The following CACNA2D1 variants were observed in gnomAD, a reference collection of about 807,000 sequenced individuals.
CACNA2D1 encodes the protein voltage-dependent calcium channel subunit alpha-2/delta-1.
In CACNA2D1, 53 loss-of-function variants were observed where a neutral mutation model predicts 171.5. The ratio of observed to expected loss-of-function variants is 0.31; its 90% CI spans 0.25 to 0.39. The LOEUF is 0.39. CACNA2D1 is among the 10% of genes least tolerant of loss of function. The pLI is 1.00. For missense variants in CACNA2D1, 903 were observed against 1,299.8 expected (o/e 0.69, Z 4.69); for synonymous variants, 442 against 443.1 (o/e 1.00, Z 0.03).
chr7:82,095,810 G>T (rs1483885736), intron 6 of CACNA2D1, among the ~76,000 whole-genome samples: 1 of 152,146 alleles, frequency 6.6e-6, no homozygotes, highest in African/African-American at 2.4e-5. Flanking sequence ...AACAATGATA[G>T]GCGGTGGATG....
rs149036431 is a variant in CACNA2D1 at position 82,096,308 on chromosome 7, G to A, written c.527-11408C>T. 1.9e-4 allele frequency among the ~76,000 whole-genome samples: 29 copies of A among 152,184 alleles called. No homozygotes were observed. The East Asian group carries it at 5.4e-3, about 28-fold the overall frequency. On this transcript the variant is annotated intron_variant, in intron 6 of 38. Coordinates refer to ENST00000356860, the MANE Select transcript of CACNA2D1 (RefSeq NM_000722.4). ...CTGTATTTATAAAAACAGACAGTGG[G>A]CCATACTTTGCAGACTCCTATACCC... is the stretch of plus-strand genomic sequence containing the variant.
chr7:82,016,606 GCCCGCCCCC>G, intron 12 of CACNA2D1, among the ~76,000 whole-genome samples: 1 of 89,174 alleles, frequency 1.1e-5, no homozygotes, highest in African/African-American at 3.3e-5. Flanking sequence ...AACACTAGCC[GCCCGCCCCC>G]CCCCCCCAAA....
chr7:82,331,418 G>A lies in CACNA2D1; in HGVS notation c.294+3717C>T, dbSNP rs78097739. On this transcript the variant is annotated intron_variant, in intron 3 of 38. Transcript: ENST00000356860. ...AGAAGCAAATTAACAATGCCATCTT[G>A]CATTCATTTACAATACAATGTAGCA... Among the ~76,000 whole-genome samples the A allele has an allele frequency of 2.1e-3, 323 of 152,072 alleles. 3 individuals carry two copies. Among genetic ancestry groups the A allele is most frequent in the African/African-American group, 7.5e-3 (311 of 41,492 alleles).
At chr7:82,083,696 A>G (rs2129009890) in intron 7 of CACNA2D1, among the ~76,000 whole-genome samples, 1 of 152,198 alleles carries the variant, frequency 6.6e-6, no homozygotes, top group East Asian at 1.9e-4. Context: ...GAAAAAAATT[A>G]TTACTGATTT....
Position 82,085,537 on chromosome 7 carries a change from A to G in CACNA2D1, c.527-637T>C, listed in dbSNP as rs541486040. The stretch of plus-strand genomic sequence containing the variant: ...CTGCTACCTTAAAAAAAAAAAAAAG[A>G]AAAAAAGTCATTGGGCATAGCTAAT... On this transcript the variant is annotated intron_variant, in intron 6 of 38. Transcript: ENST00000356860. Among the ~76,000 whole-genome samples the G allele has an allele frequency of 2.3e-3, 231 of 101,550 alleles. 3 individuals carry two copies. The East Asian group carries it at 0.048, about 21-fold the overall frequency. 66.6% of individuals were successfully genotyped at this position (101,550 alleles called of 152,430 possible).
intron 7 of CACNA2D1, among the ~76,000 whole-genome samples, chr7:82,067,364 A>C (rs1315190227): frequency 6.6e-6 from 1 of 152,188 alleles, no homozygotes; most frequent in Non-Finnish European, 1.5e-5. Context: ...TGCCTAGTTC[A>C]TATGACTTAC....
At chr7:82,340,596 T>G (rs1818512285) in intron 2 of CACNA2D1, among the ~76,000 whole-genome samples, 1 of 152,210 alleles carries the variant, frequency 6.6e-6, no homozygotes, top group African/African-American at 2.4e-5. Flanking sequence ...TATTATAACT[T>G]TGCATTTTCA....
chr7:82,061,652 T>C (rs75163471), intron 9 of CACNA2D1, among the ~76,000 whole-genome samples: 3,232 of 152,256 alleles, frequency 0.021, 123 homozygotes, highest in African/African-American at 0.072. Context: ...AAGAGTTTAA[T>C]TGATGCCGGG....
chr7:81,976,179 C>A (rs995151074), intron 24 of CACNA2D1, among the ~76,000 whole-genome samples: 1 of 152,042 alleles, frequency 6.6e-6, no homozygotes, highest in Non-Finnish European at 1.5e-5. Flanking sequence ...AATCAGGTAG[C>A]GTGATGTCTC....
chr7:82,152,496 T>C (rs1043752349), intron 4 of CACNA2D1, among the ~76,000 whole-genome samples: 2 of 152,174 alleles, frequency 1.3e-5, no homozygotes, highest in South Asian at 4.1e-4. Flanking sequence ...TATAGTTACT[T>C]GAAATTCAAA....
At chr7:81,981,291 T>C (rs2130620094) in intron 24 of CACNA2D1, among the ~76,000 whole-genome samples, 1 of 151,078 alleles carries the variant, frequency 6.6e-6, no homozygotes, top group Non-Finnish European at 1.5e-5. Flanking sequence ...AGAGAGGGAG[T>C]AAGAAAAACA....
intron 3 of CACNA2D1, among the ~76,000 whole-genome samples, chr7:82,234,380 A>T (rs1162072777): frequency 5.3e-5 from 8 of 152,114 alleles, no homozygotes; most frequent in African/African-American, 1.9e-4. Flanking sequence ...TTACCCATAC[A>T]TCTAAACTAA....
chr7:82,005,266 T>C, intron 18 of CACNA2D1, 157 bp downstream of exon 18: 1 of 632,362 alleles, frequency 1.6e-6, no homozygotes, highest in South Asian at 2.0e-5. Flanking sequence ...TCATATAGTA[T>C]CATGTGTGGT....
At position 81,982,977 on chromosome 7, in the gene CACNA2D1, G is replaced by A. The variant is rs545418878; in HGVS notation, c.1894+337C>T. ...TTTAAAGACCAATTATTTATATAAA[G>A]TTTACCAATATTATGATCCAGAAAA... On this transcript the variant is annotated intron_variant, in intron 23 of 38. Transcript: ENST00000356860. Among the ~76,000 whole-genome samples, 9 of 152,106 alleles carry A rather than the reference G, an allele frequency of 5.9e-5. 1 individual carries two copies. In the South Asian group the frequency reaches 1.9e-3, roughly 32 times the overall value.
At chr7:81,972,685 C>T (rs1455532838) in intron 25 of CACNA2D1, among the ~76,000 whole-genome samples, 1 of 151,864 alleles carries the variant, frequency 6.6e-6, no homozygotes, top group Non-Finnish European at 1.5e-5. Context: ...TCCCATTCTC[C>T]TTGTTCCTCT....
At chr7:82,385,857 G>C (rs1824301186) in intron 1 of CACNA2D1, among the ~76,000 whole-genome samples, 1 of 151,912 alleles carries the variant, frequency 6.6e-6, no homozygotes, top group Non-Finnish European at 1.5e-5. Flanking sequence ...TAGAGACGGG[G>C]TTTCACCATG....
intron 15 of CACNA2D1, among the ~76,000 whole-genome samples, chr7:82,008,682 G>C (rs1038692644): frequency 6.6e-6 from 1 of 152,104 alleles, no homozygotes; most frequent in African/African-American, 2.4e-5. Context: ...CTCACGAATA[G>C]TGATTCCAAA....
intron 20 of CACNA2D1, among the ~76,000 whole-genome samples, chr7:81,993,484 T>C (rs1797755481): frequency 1.3e-5 from 2 of 152,148 alleles, no homozygotes; most frequent in African/African-American, 4.8e-5. Flanking sequence ...AACACTATAA[T>C]GTGAAGGTTA....
intron 3 of CACNA2D1, among the ~76,000 whole-genome samples, chr7:82,305,090 G>A (rs1428812064): frequency 6.6e-6 from 1 of 151,996 alleles, no homozygotes; most frequent in Non-Finnish European, 1.5e-5. Context: ...AATTAATGTT[G>A]CAATCTTGGG....
Sources: gnomAD v4.1 joint callset for allele counts (sites outside exome capture counted in the v4.1 genomes callset) on GRCh38, gnomAD v4.1.1 for gene constraint, MANE v1.5 for transcripts, NCBI Gene and HGNC (gene_info 2026-07-23, HGNC 2026-07-21) for gene names.